The following RAB11A variants were observed in gnomAD, a reference collection of about 807,000 sequenced individuals.
The protein encoded by RAB11A is ras-related protein Rab-11A.
RAB11A carries 9 observed loss-of-function variants against 28.0 expected under a neutral mutation model. The observed-to-expected ratio is 0.32, with a 90% CI of 0.19 to 0.56. The LOEUF (loss-of-function observed/expected upper bound fraction) is 0.56, where lower values mean the gene tolerates loss of function less well. RAB11A is among the 20% of genes least tolerant of loss of function. The pLI, the probability that RAB11A is intolerant of heterozygous loss-of-function variation, is 0.91. For missense variants in RAB11A, 108 were observed against 269.6 expected (o/e 0.40, Z 4.20); for synonymous variants, 85 against 88.2 (o/e 0.96, Z 0.20).
At chr15:65,885,383 C>T (rs2078250213) in intron 4 of RAB11A, among the ~76,000 whole-genome samples, 2 of 152,074 alleles carry the variant, frequency 1.3e-5, no homozygotes, top group Non-Finnish European at 2.9e-5. Context: ...GCCTTGGACT[C>T]CTAAAGTGCT....
chr15:65,877,320 T>A lies in RAB11A; in HGVS notation c.41-12T>A. 3 of 1,599,198 alleles carry A rather than the reference T, an allele frequency of 1.9e-6. No homozygotes were observed. The highest frequency in any genetic ancestry group is 2.6e-6 in the Non-Finnish European group (3 of 1,170,032). On this transcript the variant is annotated splice_polypyrimidine_tract_variant and intron_variant, in intron 1 of 4. Coordinates refer to ENST00000261890, the MANE Select transcript of RAB11A (RefSeq NM_004663.5). The surrounding 1 kb of genome is among the most constrained non-coding windows in gnomAD (Gnocchi z 4.1). ...CCTCATTCATCTGACATTGAATTCTTTGTCTTTCCAGTTGTCCTTATTGGA... is the reference window on the plus strand; with the variant it reads ...CCTCATTCATCTGACATTGAATTCTATGTCTTTCCAGTTGTCCTTATTGGA...
rs76063402 is a variant in RAB11A, at chr15:65,885,541, G to A, written c.512-2160G>A. Among the ~76,000 whole-genome samples, 1,418 of 152,290 alleles carry A rather than the reference G, an allele frequency of 9.3e-3. 22 individuals carry two copies. The highest frequency in any genetic ancestry group is 0.057 in the South Asian group (276 of 4,824). ...TTCAAGATCCATTTAAAGATCACATGTATAGGAGCCAAGGGAAGTGTCCCT... is the reference window on the plus strand; with the variant it reads ...TTCAAGATCCATTTAAAGATCACATATATAGGAGCCAAGGGAAGTGTCCCT... On this transcript the variant is annotated intron_variant, in intron 4 of 4. Transcript: ENST00000261890.
rs1168376073 is a variant in RAB11A, at chr15:65,888,972, T to A, written c.*1132T>A. 3 of 152,668 alleles carry A rather than the reference T, an allele frequency of 2.0e-5. No homozygotes were observed. The highest frequency in any genetic ancestry group is 4.4e-5 in the Non-Finnish European group (3 of 68,036). 9.5% of individuals were successfully genotyped at this position (152,668 alleles called of 1,614,324 possible). A position where few individuals can be genotyped will look rare whatever the true frequency, so the allele number is the denominator to read the frequency against. On this transcript the variant is annotated 3_prime_UTR_variant, in exon 5 of 5. Coordinates refer to ENST00000261890, the MANE Select transcript of RAB11A (RefSeq NM_004663.5). ...GTACCTTGAGTTTAAATAGAATGCA[T>A]TTAGGCATTGTAGAGATCTGAAATA...
intron 1 of RAB11A, among the ~76,000 whole-genome samples, chr15:65,876,643 A>G (rs527785015): frequency 5.9e-5 from 9 of 152,246 alleles, no homozygotes; most frequent in Admixed American, 2.6e-4. Flanking sequence ...TTAGTTTCCT[A>G]ATACCCCCTG....
chr15:65,887,288 C>G (rs767044938), intron 4 of RAB11A, among the ~76,000 whole-genome samples: 3 of 152,088 alleles, frequency 2.0e-5, no homozygotes, highest in Non-Finnish European at 2.9e-5. Context: ...ATTCTCCTGC[C>G]TCAGCCTCCC....
intron 4 of RAB11A, 22 bp from the exon 5 acceptor site, chr15:65,887,679 T>A: frequency 6.3e-7 from 1 of 1,599,740 alleles, no homozygotes; most frequent in East Asian, 2.2e-5. Context: ...CACTAAGTAT[T>A]GTGGTTTCTT....
At position 65,888,048 on chromosome 15, in the gene RAB11A, A is replaced by G; in HGVS notation, c.*208A>G. On this transcript the variant is annotated 3_prime_UTR_variant, in exon 5 of 5. Coordinates refer to ENST00000261890, the MANE Select transcript of RAB11A (RefSeq NM_004663.5). ...CTTTTTTTCATGCTATGGCTTCACT[A>G]GCCTTAGTTTAATAAACTGAATGTT... 1 of 459,644 alleles carries G rather than the reference A, an allele frequency of 2.2e-6. No homozygotes were observed. The highest frequency in any genetic ancestry group is 5.0e-5 in the South Asian group (1 of 20,142). The allele number at this position is 459,644 out of a possible 1,614,324, so 28.5% of individuals were successfully genotyped here.
intron 3 of RAB11A, among the ~76,000 whole-genome samples, chr15:65,878,738 A>G (rs2078203911): frequency 6.6e-6 from 1 of 152,224 alleles, no homozygotes; most frequent in African/African-American, 2.4e-5. Flanking sequence ...ACTAATGCTT[A>G]TGCTATGAAT....
intron 4 of RAB11A, among the ~76,000 whole-genome samples, chr15:65,885,921 G>T (rs2078253229): frequency 6.6e-6 from 1 of 152,238 alleles, no homozygotes; most frequent in Non-Finnish European, 1.5e-5. Context: ...ATTCTGTTGA[G>T]GGGATTACTG....
At chr15:65,879,527 A>G in intron 3 of RAB11A, 144 bp from the exon 4 acceptor site, 1 of 548,004 alleles carries the variant, frequency 1.8e-6, no homozygotes, top group Non-Finnish European at 3.2e-6. Context: ...ATAAAGTGTA[A>G]ACAGAATGGT....
chr15:65,887,364 G>A (rs1006416201), intron 4 of RAB11A, among the ~76,000 whole-genome samples: 1 of 151,986 alleles, frequency 6.6e-6, no homozygotes, highest in Non-Finnish European at 1.5e-5. Flanking sequence ...GTAGAGACAG[G>A]GTTTCACCAT....
intron 3 of RAB11A, among the ~76,000 whole-genome samples, chr15:65,878,551 C>T (rs1243119962): frequency 6.6e-6 from 1 of 152,084 alleles, no homozygotes; most frequent in Non-Finnish European, 1.5e-5. Flanking sequence ...CGGTGGCGGG[C>T]GCCTGTAGTC....
chr15:65,888,045 A>C lies in RAB11A; in HGVS notation c.*205A>C, dbSNP rs2078265435. 1 of 466,306 alleles carries C rather than the reference A, an allele frequency of 2.1e-6. No homozygotes were observed. The highest frequency in any genetic ancestry group is 2.0e-5 in the African/African-American group (1 of 49,148). The allele number at this position is 466,306 out of a possible 1,614,324, so 28.9% of individuals were successfully genotyped here. ...CAGCTTTTTTTCATGCTATGGCTTC[A>C]CTAGCCTTAGTTTAATAAACTGAAT... On this transcript the variant is annotated 3_prime_UTR_variant, in exon 5 of 5. Coordinates refer to ENST00000261890, the MANE Select transcript of RAB11A (RefSeq NM_004663.5).
At position 65,888,927 on chromosome 15, in the gene RAB11A, T is replaced by C. The variant is rs560965963; in HGVS notation, c.*1087T>C. The C allele has an allele frequency of 3.3e-5, 5 of 152,762 alleles. No homozygotes were observed. The highest frequency in any genetic ancestry group is 1.2e-4 in the African/African-American group (5 of 41,574). The allele number at this position is 152,762 out of a possible 1,614,324, so 9.5% of individuals were successfully genotyped here. A position where few individuals can be genotyped will look rare whatever the true frequency, so the allele number is the denominator to read the frequency against. On this transcript the variant is annotated 3_prime_UTR_variant, in exon 5 of 5. Coordinates refer to ENST00000261890, the MANE Select transcript of RAB11A (RefSeq NM_004663.5). ...GTACCACTTAAAGGCATGTATTCTT[T>C]TAGTATGTAAAATGAAATAGTACCT... is the stretch of plus-strand genomic sequence containing the variant.
chr15:65,886,997 G>T (rs2078259631), intron 4 of RAB11A, among the ~76,000 whole-genome samples: 1 of 152,076 alleles, frequency 6.6e-6, no homozygotes, highest in Admixed American at 6.6e-5. Context: ...TTGTTAAGAT[G>T]TACTCTGCCG....
At chr15:65,871,297 C>G (rs1051457759) in intron 1 of RAB11A, among the ~76,000 whole-genome samples, 8 of 152,222 alleles carry the variant, frequency 5.3e-5, no homozygotes, top group African/African-American at 1.9e-4. Flanking sequence ...CCCTCCCCCT[C>G]CATACTGGAA....
chr15:65,872,491 A>G (rs1429244202), intron 1 of RAB11A, among the ~76,000 whole-genome samples: 2 of 150,212 alleles, frequency 1.3e-5, no homozygotes, highest in African/African-American at 2.5e-5. Flanking sequence ...TTGGAGTGCA[A>G]TGACGCGATC....
Position 65,889,973 on chromosome 15 carries a change from T to C in RAB11A, c.*2133T>C, listed in dbSNP as rs1596795468. 1 of 152,296 alleles carries C rather than the reference T, an allele frequency of 6.6e-6. No homozygotes were observed. The highest frequency in any genetic ancestry group is 1.9e-4 in the East Asian group (1 of 5,186). The allele number at this position is 152,296 out of a possible 1,614,324, so 9.4% of individuals were successfully genotyped here. A position where few individuals can be genotyped will look rare whatever the true frequency, so the allele number is the denominator to read the frequency against. On this transcript the variant is annotated 3_prime_UTR_variant, in exon 5 of 5. Coordinates refer to ENST00000261890, the MANE Select transcript of RAB11A (RefSeq NM_004663.5). ...TGTCTCAAGCAAGAAACAATAAATT[T>C]TTAAATATTATGACAGTTCAGGGCT...
intron 1 of RAB11A, 29 bp downstream of exon 1, chr15:65,869,654 C>G: frequency 6.2e-7 from 1 of 1,603,230 alleles, no homozygotes. Context: ...GCACTCTACA[C>G]AGTCCTCGTT....
Sources: allele counts gnomAD v4.1 joint callset (sites outside exome capture counted in the v4.1 genomes callset), GRCh38; gene constraint gnomAD v4.1.1; non-coding constraint Gnocchi (gnomAD v3.1); transcripts MANE v1.5; gene names NCBI Gene and HGNC (gene_info 2026-07-23, HGNC 2026-07-21).